Variants in DNAH9 observed in about 807,000 individuals in gnomAD.
DNAH9 encodes dynein axonemal heavy chain 9.
In DNAH9, 345 loss-of-function variants were observed where a neutral mutation model predicts 471.6. That is an observed-to-expected ratio of 0.73 (90% CI 0.67 to 0.80). The LOEUF is 0.80. Ranked by LOEUF, DNAH9 falls within the 30% of genes least tolerant of loss-of-function variation. The pLI is 0.00. For synonymous variants in DNAH9, 2,093 were observed against 2,123.6 expected (o/e 0.99, Z 0.40); for missense variants, 5,407 against 5,609.2 (o/e 0.96, Z 1.15).
chr17:11,760,351 G>A (rs556621932), intron 35 of DNAH9, among the ~76,000 whole-genome samples: 2 of 152,198 alleles, frequency 1.3e-5, no homozygotes, highest in East Asian at 1.9e-4. Flanking sequence ...AACAAGAGAT[G>A]GCAAGCTCAT....
Position 11,961,896 on chromosome 17 carries a change from G to T in DNAH9, c.12873G>T (p.Glu4291Asp), listed in dbSNP as rs1976223030. Residue 4291 changes from glutamate (E) to aspartate (D), a missense_variant, in exon 68 of 69, where the codon GAG becomes GAT. By Grantham distance (45) the Glu-to-Asp change is conservative (BLOSUM62 2). Around this residue, in one of 3 missense-constraint regions of DNAH9, gnomAD observed 4,636 missense variants for 4,900.3 expected, o/e 0.95. Transcript: ENST00000262442. Reference sequence around the variant, plus strand: ...AGCTGACTATGACCAGCCACATGGAGAACTTACAGAATGCCCTGTACTTCG... The same window carrying T: ...AGCTGACTATGACCAGCCACATGGATAACTTACAGAATGCCCTGTACTTCG... Reference protein sequence around the residue: ...KGELTMTSHMENLQNALYFDM... With the variant: ...KGELTMTSHMDNLQNALYFDM... The T allele has an allele frequency of 1.2e-6, 2 of 1,612,212 alleles. No individual in the cohort carries two copies. Among genetic ancestry groups the T allele is most frequent in the African/African-American group, 2.7e-5 (2 of 74,832 alleles).
At chr17:11,743,909 A>G (rs1219420667) in intron 30 of DNAH9, among the ~76,000 whole-genome samples, 2 of 150,170 alleles carry the variant, frequency 1.3e-5, no homozygotes, top group East Asian at 3.9e-4. Flanking sequence ...GGCTCGCTGC[A>G]ACCTCCGCCT....
intron 35 of DNAH9, among the ~76,000 whole-genome samples, chr17:11,759,906 T>G (rs2150863681): frequency 6.6e-6 from 1 of 152,266 alleles, no homozygotes; most frequent in South Asian, 2.1e-4. Context: ...CAGGATGATC[T>G]TGATCTCTTG....
intron 28 of DNAH9, among the ~76,000 whole-genome samples, chr17:11,732,986 C>T (rs1046442984): frequency 6.6e-6 from 1 of 152,154 alleles, no homozygotes; most frequent in African/African-American, 2.4e-5. Flanking sequence ...AGTCTCAGAG[C>T]CGAGGGAGCT....
intron 38 of DNAH9, 52 bp downstream of exon 38, chr17:11,769,381 C>T (rs1216929613): frequency 1.3e-6 from 2 of 1,510,904 alleles, no homozygotes; most frequent in Middle Eastern, 2.0e-4. Context: ...GCCGTGTCAC[C>T]TGACACAGAG....
chr17:11,862,082 G>T (rs113039971), intron 50 of DNAH9, among the ~76,000 whole-genome samples: 1 of 103,788 alleles, frequency 9.6e-6, no homozygotes. Flanking sequence ...TGTTTTAGAC[G>T]TGAAGTCCTT....
Position 11,744,945 on chromosome 17 carries a change from T to C in DNAH9, c.6260T>C (p.Met2087Thr), listed in dbSNP as rs371673468. 1 of 1,614,200 alleles carries C rather than the reference T, an allele frequency of 6.2e-7. No individual in the cohort carries two copies. Among genetic ancestry groups the C allele is most frequent in the African/African-American group, 1.3e-5 (1 of 75,050 alleles). ...ATCCCCAAGATTGTGACTGATGACA[T>C]GCCCATCTTCATGGGCCTGATCGGG... Reference protein sequence around the residue: ...FNIPKIVTDDMPIFMGLIGDL... With the variant: ...FNIPKIVTDDTPIFMGLIGDL... The change falls in exon 31 of 69, where the codon ATG becomes ACG. Residue 2087 changes from methionine (M) to threonine (T), a missense_variant. Met to Thr is a moderately conservative substitution (Grantham distance 81). Transcript: ENST00000262442.
intron 45 of DNAH9, among the ~76,000 whole-genome samples, chr17:11,812,156 C>T (rs1002158266): frequency 6.7e-6 from 1 of 148,892 alleles, no homozygotes. Flanking sequence ...AAAGAATACG[C>T]TTTCTTGGCT....
intron 39 of DNAH9, among the ~76,000 whole-genome samples, chr17:11,782,723 C>G (rs1968716068): frequency 6.6e-6 from 1 of 152,084 alleles, no homozygotes; most frequent in African/African-American, 2.4e-5. Flanking sequence ...ATGGTGAAAC[C>G]CTGTCTCTAC....
At chr17:11,665,063 C>A in intron 15 of DNAH9, 95 bp downstream of exon 15, 1 of 1,133,662 alleles carries the variant, frequency 8.8e-7, no homozygotes. Context: ...TGCTCTGTGA[C>A]TTTTCCCAAA....
intron 61 of DNAH9, among the ~76,000 whole-genome samples, chr17:11,912,192 AT>A (rs576732584): frequency 1.3e-5 from 2 of 151,890 alleles, no homozygotes; most frequent in Non-Finnish European, 2.9e-5. Context: ...TAATTTTTGT[AT>A]TTTTTTAGTA....
rs754853561 is a variant in DNAH9, at chr17:11,679,751, G to A, written c.3354-6G>A. The A allele has an allele frequency of 4.4e-6, 7 of 1,603,258 alleles. No individual in the cohort carries two copies. The African/African-American group carries it at 9.4e-5, about 21-fold the overall frequency. Reference sequence around the variant, plus strand: ...TGGTTCCTCATGTTCTGTTTGTGTTGATTAGCTTGGCCAACCTGGATGCGT... The same window carrying A: ...TGGTTCCTCATGTTCTGTTTGTGTTAATTAGCTTGGCCAACCTGGATGCGT... On this transcript the variant is annotated splice_region_variant and splice_polypyrimidine_tract_variant and intron_variant, in intron 17 of 68. Transcript: ENST00000262442.
At chr17:11,956,299 C>CT (rs1434514012) in intron 67 of DNAH9, among the ~76,000 whole-genome samples, 2 of 151,964 alleles carry the variant, frequency 1.3e-5, no homozygotes, top group Non-Finnish European at 2.9e-5. Context: ...TATAACAATC[C>CT]TAAGTGTATA....
chr17:11,952,729 T>A (rs1384322778), intron 67 of DNAH9, among the ~76,000 whole-genome samples: 1 of 150,986 alleles, frequency 6.6e-6, no homozygotes, highest in Non-Finnish European at 1.5e-5. Flanking sequence ...TTAAAGGCCA[T>A]TTTTTTTTCC....
chr17:11,617,697 A>G, intron 5 of DNAH9, 75 bp downstream of exon 5: 2 of 1,063,942 alleles, frequency 1.9e-6, no homozygotes, highest in Non-Finnish European at 2.9e-6. Flanking sequence ...AGAAGAGACA[A>G]GTGTCCTTTT....
intron 59 of DNAH9, among the ~76,000 whole-genome samples, chr17:11,901,061 C>T (rs1973394026): frequency 6.6e-6 from 1 of 152,142 alleles, no homozygotes; most frequent in African/African-American, 2.4e-5. Flanking sequence ...CAAAGGAGCT[C>T]CCAAGCAGGC....
intron 59 of DNAH9, 43 bp from the exon 60 acceptor site, chr17:11,902,676 C>T: frequency 6.4e-7 from 1 of 1,572,220 alleles, no homozygotes; most frequent in Non-Finnish European, 8.7e-7. Context: ...CAAATGACAG[C>T]TTTCTGGAGA....
chr17:11,764,099 G>A (rs1967832404), intron 36 of DNAH9, among the ~76,000 whole-genome samples: 1 of 152,170 alleles, frequency 6.6e-6, no homozygotes, highest in South Asian at 2.1e-4. Context: ...GCTGTCCAGA[G>A]AAGGCTGGAC....
In DNAH9 at chr17:11,784,491, C is replaced by A; in HGVS notation, c.8013C>A (p.Ile2671=). ...KIATTFLPTG[I]KFHYIFNLRD... is the part of the protein sequence containing the mutation. ...CTACCACCTTCCTACCCACAGGAAT[C>A]AAATTCCACTACATCTTCAACCTCA... Residue 2671 remains isoleucine (I), a synonymous_variant, in exon 41 of 69, where the codon ATC becomes ATA. Transcript: ENST00000262442. 6.2e-7 allele frequency: 1 copy of A among 1,614,224 alleles called. No homozygotes were observed. Among genetic ancestry groups the A allele is most frequent in the Non-Finnish European group, 8.5e-7 (1 of 1,180,046 alleles).
Sources: gnomAD v4.1 joint callset for allele counts (sites outside exome capture counted in the v4.1 genomes callset) on GRCh38, gnomAD v4.1.1 for gene constraint, gnomAD v4.1.1 regional missense constraint, MANE v1.5 for transcripts, NCBI Gene and HGNC (gene_info 2026-07-23, HGNC 2026-07-21) for gene names.